Variants in NIPAL3 observed in about 807,000 individuals in gnomAD.
NIPAL3 encodes the protein NIPA like domain containing 3, also known as NIPA-like protein 3.
In NIPAL3, 41 loss-of-function variants were observed where a neutral mutation model predicts 47.2. The ratio of observed to expected loss-of-function variants is 0.87; its 90% CI spans 0.68 to 1.13. The LOEUF (loss-of-function observed/expected upper bound fraction) is 1.13. Ranked by LOEUF, NIPAL3 falls within the 50% of genes most tolerant of loss-of-function variation. The pLI, the probability that NIPAL3 is intolerant of heterozygous loss-of-function variation, is 0.00. For synonymous variants in NIPAL3, 194 were observed against 209.6 expected (o/e 0.93, Z 0.64); for missense variants, 449 against 530.1 (o/e 0.85, Z 1.50).
rs1646827498 is a variant in NIPAL3, at chr1:24,469,262, C to G, written c.*77C>G. The G allele has an allele frequency of 1.6e-6, 2 of 1,262,780 alleles. No homozygotes were observed. The highest frequency in any genetic ancestry group is 2.4e-5 in the Admixed American group (1 of 40,900). 78.2% of individuals were successfully genotyped at this position (1,262,780 alleles called of 1,614,324 possible). A position where few individuals can be genotyped will look rare whatever the true frequency, so the allele number is the denominator to read the frequency against. ...ACCCTGAATCCTAAAACTTGCCTTT[C>G]AAGTCTCATTTTGTTTCTAACTGAG... On this transcript the variant is annotated 3_prime_UTR_variant, in exon 12 of 12. Coordinates refer to ENST00000374399, the MANE Select transcript of NIPAL3 (RefSeq NM_020448.5).
intron 6 of NIPAL3, 75 bp from the exon 7 acceptor site, chr1:24,453,333 C>A: frequency 1.0e-6 from 1 of 1,005,022 alleles, no homozygotes; most frequent in South Asian, 1.3e-5. Flanking sequence ...TGGTGATGGC[C>A]CAGCCCACCA....
intron 9 of NIPAL3, 28 bp downstream of exon 9, chr1:24,459,004 G>T: frequency 1.3e-6 from 2 of 1,595,872 alleles, no homozygotes; most frequent in Non-Finnish European, 1.7e-6. Flanking sequence ...CTAGATTTCT[G>T]TCTTCTACTT....
At chr1:24,434,148 A>G (rs887937885) in intron 2 of NIPAL3, among the ~76,000 whole-genome samples, 1 of 152,208 alleles carries the variant, frequency 6.6e-6, no homozygotes, top group Admixed American at 6.5e-5. Flanking sequence ...AAAGGCAGAG[A>G]TTGGCAGAAT....
chr1:24,468,087 A>G (rs1472980859), intron 11 of NIPAL3, among the ~76,000 whole-genome samples: 8 of 152,106 alleles, frequency 5.3e-5, no homozygotes, highest in African/African-American at 9.7e-5. Flanking sequence ...AGGTGGATCA[A>G]TTCAGCCCAG....
At chr1:24,428,541 A>G (rs1479368536) in intron 2 of NIPAL3, among the ~76,000 whole-genome samples, 2 of 152,180 alleles carry the variant, frequency 1.3e-5, no homozygotes, top group African/African-American at 4.8e-5. Context: ...GTCAATCAGC[A>G]TTAGATCAGG....
intron 2 of NIPAL3, among the ~76,000 whole-genome samples, chr1:24,423,515 AGCTACTGGGGAG>A (rs1644428293): frequency 1.3e-5 from 2 of 152,300 alleles, no homozygotes; most frequent in South Asian, 4.1e-4. Context: ...CTATAGTCCC[AGCTACTGGGGAG>A]GCTGAGGCAG....
Position 24,449,563 on chromosome 1 carries a change from C to A in NIPAL3, c.477C>A (p.His159Gln). 6.2e-7 allele frequency: 1 copy of A among 1,614,098 alleles called. No individual in the cohort carries two copies. Among genetic ancestry groups the A allele is most frequent in the Non-Finnish European group, 8.5e-7 (1 of 1,180,028 alleles). Residue 159 changes from histidine (H) to glutamine (Q), a missense_variant, in exon 6 of 12, where the codon CAC becomes CAA. By Grantham distance (24) the His-to-Gln change is conservative. Coordinates refer to ENST00000374399, the MANE Select transcript of NIPAL3 (RefSeq NM_020448.5). This position sits in a 1 kb window ranked among gnomAD's most constrained non-coding sequence, Gnocchi z 4.5. ...YLLVTFAPNS[H>Q]EKMTGENVTR... ...TGGTGACATTCGCACCCAACAGTCA[C>A]GAGAAGATGACAGGCGAGAATGTCA...
Position 24,454,190 on chromosome 1 carries a change from C to A in NIPAL3, c.637+686C>A, listed in dbSNP as rs1646082447. The A allele has an allele frequency of 8.3e-7, 1 of 1,209,588 alleles. No individual in the cohort carries two copies. Among genetic ancestry groups the A allele is most frequent in the East Asian group, 5.7e-5 (1 of 17,412 alleles). 74.9% of individuals were successfully genotyped at this position (1,209,588 alleles called of 1,614,324 possible). A position where few individuals can be genotyped will look rare whatever the true frequency, so the allele number is the denominator to read the frequency against. On this transcript the variant is annotated intron_variant, in intron 7 of 11. Coordinates refer to ENST00000374399, the MANE Select transcript of NIPAL3 (RefSeq NM_020448.5). This position sits in a 1 kb window ranked among gnomAD's most constrained non-coding sequence, Gnocchi z 4.1. Reference sequence around the variant, plus strand: ...TACAGGCATGAGGCCCTGTACCTGGCTAGAACTGCATATAATTTTATAGCT... The same window carrying A: ...TACAGGCATGAGGCCCTGTACCTGGATAGAACTGCATATAATTTTATAGCT...
At chr1:24,468,405 G>A (rs1056797275) in intron 11 of NIPAL3, among the ~76,000 whole-genome samples, 1 of 152,186 alleles carries the variant, frequency 6.6e-6, no homozygotes, top group Non-Finnish European at 1.5e-5. Flanking sequence ...AGGAATTAAA[G>A]ATTAAAGGCT....
intron 5 of NIPAL3, among the ~76,000 whole-genome samples, chr1:24,448,371 A>T (rs1251933543): frequency 6.6e-6 from 1 of 152,200 alleles, no homozygotes; most frequent in African/African-American, 2.4e-5. Flanking sequence ...GATAAGAGCC[A>T]TGCCACCTGG....
Position 24,449,828 on chromosome 1 carries a change from G to A in NIPAL3, c.540+202G>A, listed in dbSNP as rs1265490942. On this transcript the variant is annotated intron_variant, in intron 6 of 11. Transcript: ENST00000374399. The surrounding 1 kb of genome is among the most constrained non-coding windows in gnomAD (Gnocchi z 4.5). ...ATGTAATATCAAAACTCTACTGGTG[G>A]GAGTGTAAATTGGTACAGCCACTTG... Among the ~76,000 whole-genome samples the A allele has an allele frequency of 6.6e-6, 1 of 152,130 alleles. No homozygotes were observed. Among genetic ancestry groups the A allele is most frequent in the Non-Finnish European group, 1.5e-5 (1 of 68,034 alleles).
chr1:24,449,830 A>G lies in NIPAL3; in HGVS notation c.540+204A>G, dbSNP rs1439293394. 2.6e-5 allele frequency among the ~76,000 whole-genome samples: 4 copies of G among 152,184 alleles called. No homozygotes were observed. The highest frequency in any genetic ancestry group is 5.9e-5 in the Non-Finnish European group (4 of 68,026). ...GTAATATCAAAACTCTACTGGTGGGAGTGTAAATTGGTACAGCCACTTGGG... is the reference window on the plus strand; with the variant it reads ...GTAATATCAAAACTCTACTGGTGGGGGTGTAAATTGGTACAGCCACTTGGG... On this transcript the variant is annotated intron_variant, in intron 6 of 11. Coordinates refer to ENST00000374399, the MANE Select transcript of NIPAL3 (RefSeq NM_020448.5). This position sits in a 1 kb window ranked among gnomAD's most constrained non-coding sequence, Gnocchi z 4.5.
intron 2 of NIPAL3, among the ~76,000 whole-genome samples, chr1:24,421,393 G>A (rs193208992): frequency 4.7e-4 from 71 of 152,154 alleles, no homozygotes; most frequent in Admixed American, 1.7e-3. Flanking sequence ...TGCTAATACC[G>A]TAGAGCTAAA....
Position 24,419,568 on chromosome 1 carries a change from A to G in NIPAL3, c.21A>G (p.Ala7=). The G allele has an allele frequency of 5.6e-6, 9 of 1,613,934 alleles. No individual in the cohort carries two copies. The highest frequency in any genetic ancestry group is 7.6e-6 in the Non-Finnish European group (9 of 1,179,930). The change falls in exon 2 of 12, where the codon GCA becomes GCG. Residue 7 remains alanine, a synonymous_variant. Transcript: ENST00000374399. MDGSHS[A]ALKLQQLPPT... The stretch of plus-strand genomic sequence containing the variant: ...CCACCATGGACGGATCCCACAGCGC[A>G]GCCCTGAAGCTGCAGCAGCTGCCTC...
chr1:24,430,449 C>T (rs113632439), intron 2 of NIPAL3, among the ~76,000 whole-genome samples: 1 of 152,040 alleles, frequency 6.6e-6, no homozygotes, highest in South Asian at 2.1e-4. Flanking sequence ...GGGGTTTCAC[C>T]GTGTTGGCCA....
chr1:24,419,809 G>T (rs1644238904), intron 2 of NIPAL3, 169 bp downstream of exon 2: 1 of 608,128 alleles, frequency 1.6e-6, no homozygotes, highest in African/African-American at 1.9e-5. Context: ...CAAGAGATGG[G>T]CCGGGAGTGG....
chr1:24,456,332 G>C, intron 8 of NIPAL3, 59 bp downstream of exon 8: 1 of 1,609,706 alleles, frequency 6.2e-7, no homozygotes, highest in Non-Finnish European at 8.5e-7. Flanking sequence ...CTCTTTTGGG[G>C]GCCTGATGAC....
At chr1:24,443,110 T>C (rs1570292617) in intron 4 of NIPAL3, among the ~76,000 whole-genome samples, 1 of 152,214 alleles carries the variant, frequency 6.6e-6, no homozygotes, top group Non-Finnish European at 1.5e-5. Context: ...CCATTAACTT[T>C]CTCATCTGCC....
chr1:24,425,457 C>T (rs1470488406), intron 2 of NIPAL3, among the ~76,000 whole-genome samples: 1 of 152,114 alleles, frequency 6.6e-6, no homozygotes, highest in Non-Finnish European at 1.5e-5. Context: ...CAGATCTTCC[C>T]TGGTTACAGT....
Sources: gnomAD v4.1 joint callset for allele counts (sites outside exome capture counted in the v4.1 genomes callset) on GRCh38, gnomAD v4.1.1 for gene constraint, Gnocchi (gnomAD v3.1) non-coding constraint, MANE v1.5 for transcripts, NCBI Gene and HGNC (gene_info 2026-07-23, HGNC 2026-07-21) for gene names.